The following CDH2 variants were observed in gnomAD, a reference collection of about 807,000 sequenced individuals.
CDH2 encodes the protein cadherin-2.
Under a neutral mutation model 92.0 loss-of-function variants are expected in CDH2, and 17 were observed. The observed-to-expected ratio is 0.18, with a 90% confidence interval of 0.13 to 0.28. The LOEUF is 0.28. Ranked by LOEUF, CDH2 falls within the 10% of genes least tolerant of loss-of-function variation. The pLI is 1.00. For synonymous variants in CDH2, 419 were observed against 415.9 expected (o/e 1.01, Z -0.09); for missense variants, 862 against 1,133.1 (o/e 0.76, Z 3.44).
intron 2 of CDH2, among the ~76,000 whole-genome samples, chr18:28,114,937 G>A (rs1008112403): frequency 1.3e-5 from 2 of 152,108 alleles, no homozygotes; most frequent in African/African-American, 4.8e-5. Flanking sequence ...TAGCTTTAAG[G>A]TTTAAATTCA....
At chr18:28,096,969 CATG>C (rs1265917730) in intron 2 of CDH2, 2 of 152,136 alleles carry the variant, frequency 1.3e-5, no homozygotes, top group East Asian at 3.8e-4. Context: ...TAATTTCTCC[CATG>C]ATAATTTTAA....
chr18:28,016,766 A>C (rs1322056690), intron 2 of CDH2, among the ~76,000 whole-genome samples: 2 of 152,172 alleles, frequency 1.3e-5, no homozygotes, highest in Non-Finnish European at 2.9e-5. Flanking sequence ...AAAATTAACA[A>C]AAAGATCTGA....
chr18:28,044,850 C>CGTGTGTGTGT (rs68093312), intron 2 of CDH2, among the ~76,000 whole-genome samples: 18,954 of 148,360 alleles, frequency 0.13, 1,317 homozygotes, highest in Non-Finnish European at 0.16. Context: ...TATATAACAT[C>CGTGTGTGTGT]GTGTGTGTGT....
In CDH2 at chr18:28,098,676, AAT is replaced by A. The variant is rs1431648805; in HGVS notation, c.172+48995_172+48996del. Among the ~76,000 whole-genome samples, 5 of 152,172 alleles carry A rather than the reference AAT, an allele frequency of 3.3e-5. No individual in the cohort carries two copies. The East Asian group carries it at 7.8e-4, about 24-fold the overall frequency. On this transcript the variant is annotated intron_variant, in intron 2 of 15. Transcript: ENST00000269141. ...ACATGGGGGCCATTTTAAACAGTGA[AAT>A]CACCAACAAAAAGCACACAAATGAG...
At chr18:27,955,828 T>C (rs2011234451) in intron 15 of CDH2, among the ~76,000 whole-genome samples, 1 of 145,574 alleles carries the variant, frequency 6.9e-6, no homozygotes, top group African/African-American at 2.5e-5. Context: ...CACTGTGCTA[T>C]GCTAGAGCAC....
intron 2 of CDH2, among the ~76,000 whole-genome samples, chr18:28,027,956 ACTGT>A (rs570371317): frequency 2.0e-5 from 3 of 151,846 alleles, no homozygotes; most frequent in Non-Finnish European, 4.4e-5. Context: ...CCTTTTCCCA[ACTGT>A]ATCATTATTA....
At chr18:28,027,797 A>G (rs1332960323) in intron 2 of CDH2, among the ~76,000 whole-genome samples, 1 of 151,580 alleles carries the variant, frequency 6.6e-6, no homozygotes, top group Non-Finnish European at 1.5e-5. Flanking sequence ...TTTTGACAGA[A>G]TCCAGCTAAA....
At position 28,005,885 on chromosome 18, in the gene CDH2, C is replaced by G; in HGVS notation, c.811G>C (p.Val271Leu). ...CCCTCAGGAACTGTCCCATTCCAAA[C>G]CTGGTGTAAGAACTCAGGTCTGTTG... Reference protein sequence around the residue: ...NDNRPEFLHQVWNGTVPEGSK... With the variant: ...NDNRPEFLHQLWNGTVPEGSK... Residue 271 changes from valine to leucine, a missense_variant, in exon 6 of 16, where the codon GTT becomes CTT. By Grantham distance (32) the Val-to-Leu change is conservative. Around this residue, in one of 5 missense-constraint regions of CDH2, gnomAD observed 564 missense variants for 722.2 expected, o/e 0.78. Transcript: ENST00000269141. 1.9e-6 allele frequency: 3 copies of G among 1,613,622 alleles called. No individual in the cohort carries two copies. Among genetic ancestry groups the G allele is most frequent in the Non-Finnish European group, 2.5e-6 (3 of 1,179,622 alleles).
At chr18:28,060,997 A>C (rs2014392294) in intron 2 of CDH2, among the ~76,000 whole-genome samples, 1 of 152,200 alleles carries the variant, frequency 6.6e-6, no homozygotes, top group Non-Finnish European at 1.5e-5. Flanking sequence ...GTTTCTTCCA[A>C]AACTAGCACT....
chr18:28,021,777 T>C (rs2013416896), intron 2 of CDH2, among the ~76,000 whole-genome samples: 1 of 152,044 alleles, frequency 6.6e-6, no homozygotes, highest in South Asian at 2.1e-4. Context: ...TACTCACATA[T>C]GGTTTCTAAT....
chr18:27,995,414 GGTTA>G (rs2012551076), intron 7 of CDH2, among the ~76,000 whole-genome samples: 2 of 151,846 alleles, frequency 1.3e-5, no homozygotes, highest in Admixed American at 6.6e-5. Flanking sequence ...ATGCTTTCAT[GGTTA>G]GTGAGAGAAT....
chr18:28,012,011 G>A lies in CDH2; in HGVS notation c.400-19C>T, dbSNP rs1006807217. On this transcript the variant is annotated intron_variant, in intron 3 of 15. Transcript: ENST00000269141. The stretch of plus-strand genomic sequence containing the variant: ...CTGACTCCTTTACATTAAAATAGAA[G>A]ACATTCCTGAGTACTAGGAAACACA... 1 of 1,607,254 alleles carries A rather than the reference G, an allele frequency of 6.2e-7. No homozygotes were observed.
chr18:27,979,038 A>C (rs2011949803), intron 14 of CDH2, among the ~76,000 whole-genome samples: 1 of 152,116 alleles, frequency 6.6e-6, no homozygotes, highest in Admixed American at 6.6e-5. Flanking sequence ...TAATAAAAAA[A>C]CTTCTGTTCA....
chr18:28,045,557 C>T, intron 2 of CDH2: 1 of 393,756 alleles, frequency 2.5e-6, no homozygotes, highest in Non-Finnish European at 5.1e-6. Flanking sequence ...CAGGCTTCTG[C>T]CTTGCTCATG....
chr18:28,120,377 G>C (rs1429409668), intron 2 of CDH2, among the ~76,000 whole-genome samples: 2 of 152,048 alleles, frequency 1.3e-5, no homozygotes, highest in East Asian at 3.9e-4. Flanking sequence ...CATTCAACCA[G>C]ATGTTTTAAA....
At chr18:28,038,816 T>C (rs905770866) in intron 2 of CDH2, among the ~76,000 whole-genome samples, 4 of 152,194 alleles carry the variant, frequency 2.6e-5, no homozygotes, top group African/African-American at 9.6e-5. Context: ...GTGTTTCCTC[T>C]GCACCACATT....
intron 2 of CDH2, among the ~76,000 whole-genome samples, chr18:28,107,772 T>C: frequency 6.6e-6 from 1 of 152,112 alleles, no homozygotes; most frequent in East Asian, 1.9e-4. Flanking sequence ...GTTTTATGCA[T>C]TTTAATTAGC....
chr18:27,985,471 G>T, intron 12 of CDH2, 57 bp downstream of exon 12: 3 of 1,160,762 alleles, frequency 2.6e-6, no homozygotes, highest in Non-Finnish European at 2.5e-6. Context: ...AACTTTTCAT[G>T]CCAGGCTTCA....
intron 1 of CDH2, among the ~76,000 whole-genome samples, chr18:28,163,612 T>C (rs1302046421): frequency 6.6e-6 from 1 of 152,164 alleles, no homozygotes; most frequent in Non-Finnish European, 1.5e-5. Flanking sequence ...CACACGCAAG[T>C]CCATCAACAA....
Sources: gnomAD v4.1 joint callset for allele counts (sites outside exome capture counted in the v4.1 genomes callset) on GRCh38, gnomAD v4.1.1 for gene constraint, gnomAD v4.1.1 regional missense constraint, MANE v1.5 for transcripts, NCBI Gene and HGNC (gene_info 2026-07-23, HGNC 2026-07-21) for gene names.